Variants in RGSL1 observed in about 807,000 individuals in gnomAD.
The protein encoded by RGSL1 is regulator of G protein signaling like 1, also known as regulator of G protein signaling protein-like.
Under a neutral mutation model 124.7 loss-of-function variants are expected in RGSL1, and 97 were observed. The ratio of observed to expected loss-of-function variants is 0.78; its 90% confidence interval spans 0.66 to 0.92. The LOEUF (loss-of-function observed/expected upper bound fraction) is 0.92, where lower values mean the gene tolerates loss of function less well. Ranked by LOEUF, RGSL1 falls within the 40% of genes least tolerant of loss-of-function variation. The probability of loss-of-function intolerance (pLI) is 0.00; values close to 1 mark genes in which losing one functional copy is unlikely to be tolerated. For synonymous variants in RGSL1, 424 were observed against 438.1 expected (o/e 0.97, Z 0.40); for missense variants, 1,233 against 1,288.4 (o/e 0.96, Z 0.66).
chr1:182,540,595 C>G (rs935340651), intron 15 of RGSL1, among the ~76,000 whole-genome samples, 174 bp downstream of exon 15: 3 of 152,116 alleles, frequency 2.0e-5, no homozygotes, highest in Non-Finnish European at 2.9e-5. Flanking sequence ...TTCCACCTTT[C>G]TTTTCTTTGG....
At chr1:182,532,549 C>A (rs1373258703) in intron 13 of RGSL1, 113 bp from the exon 14 acceptor site, 3 of 937,642 alleles carry the variant, frequency 3.2e-6, no homozygotes, top group South Asian at 1.8e-5. Context: ...TATTCCTTTA[C>A]GGAGGTGTTG....
intron 9 of RGSL1, among the ~76,000 whole-genome samples, chr1:182,504,506 C>A (rs1176726015): frequency 3.0e-5 from 2 of 67,364 alleles, no homozygotes; most frequent in South Asian, 4.3e-4. Context: ...TTTTGCATAC[C>A]TCATAGTTTT....
At chr1:182,556,002 T>C in intron 20 of RGSL1, 22 bp from the exon 21 acceptor site, 1 of 1,546,920 alleles carries the variant, frequency 6.5e-7, no homozygotes. Context: ...TTGTGATAAC[T>C]GGCTGTTTTC....
chr1:182,475,813 T>C (rs755032960), intron 6 of RGSL1, among the ~76,000 whole-genome samples: 6 of 152,164 alleles, frequency 3.9e-5, no homozygotes, highest in Non-Finnish European at 8.8e-5. Flanking sequence ...GAGTAGAAAG[T>C]AGATCTGGAG....
intron 11 of RGSL1, among the ~76,000 whole-genome samples, 194 bp downstream of exon 11, chr1:182,527,966 G>A (rs114808532): frequency 1.3e-5 from 2 of 152,224 alleles, no homozygotes; most frequent in African/African-American, 4.8e-5. Flanking sequence ...GTCTTAATAC[G>A]AGTTGTATTA....
rs1388612034 is a variant in RGSL1 at position 182,473,882 on chromosome 1, A to G, written c.771A>G (p.Gln257=). The change falls in exon 6 of 22, where the codon CAA becomes CAG. Residue 257 remains glutamine, a synonymous_variant. Transcript: ENST00000294854. ...GGAAAGCCAAGAGGAAGATGTGGCA[A>G]TTGGTAGATCCTGACTCTTGGTCTC... ...SSRKAKRKMW[Q]LVDPDSWSLE... The G allele has an allele frequency of 1.9e-6, 3 of 1,551,760 alleles. No individual in the cohort carries two copies. Among genetic ancestry groups the G allele is most frequent in the Admixed American group, 2.0e-5 (1 of 50,980 alleles).
chr1:182,519,687 T>C (rs1658181672), intron 9 of RGSL1, among the ~76,000 whole-genome samples: 1 of 152,140 alleles, frequency 6.6e-6, no homozygotes, highest in South Asian at 2.1e-4. Flanking sequence ...ATTCTGATAA[T>C]TTTATTATAC....
In RGSL1 at chr1:182,474,230, CT is replaced by C. The variant is rs1377558397; in HGVS notation, c.1121del (p.Leu374CysfsTer15). On this transcript the variant is annotated frameshift_variant, in exon 6 of 22. Transcript: ENST00000294854. LOFTEE classifies it high-confidence loss of function. ...SFSLGYIHLA[L>X]CADACAGNPF... ...TCTCCTTAGGATACATCCACTTGGC[CT>C]TGTGTGCTGATGCCTGTGCAGGGAA... 1.9e-6 allele frequency: 3 copies of C among 1,551,816 alleles called. No homozygotes were observed. Among genetic ancestry groups the C allele is most frequent in the East Asian group, 4.9e-5 (2 of 40,940 alleles).
At chr1:182,558,160 G>A (rs1369717621) in intron 21 of RGSL1, among the ~76,000 whole-genome samples, 1 of 152,212 alleles carries the variant, frequency 6.6e-6, no homozygotes, top group East Asian at 1.9e-4. Context: ...GGACAAGACT[G>A]ACCCACAGCC....
At chr1:182,462,269 C>A (rs765619837) in intron 4 of RGSL1, among the ~76,000 whole-genome samples, 1 of 152,042 alleles carries the variant, frequency 6.6e-6, no homozygotes, top group Non-Finnish European at 1.5e-5. Context: ...ACAAAACTGT[C>A]CTTCTAAAGC....
At chr1:182,551,937 T>G (rs1380679885) in intron 18 of RGSL1, among the ~76,000 whole-genome samples, 4 of 152,196 alleles carry the variant, frequency 2.6e-5, no homozygotes, top group Non-Finnish European at 5.9e-5. Context: ...GCATGCTGTA[T>G]AGGTTTGTAG....
chr1:182,488,848 TC>T (rs552627955), intron 7 of RGSL1, 131 bp from the exon 8 acceptor site: 1,144 of 679,944 alleles, frequency 1.7e-3, no homozygotes, highest in Non-Finnish European at 2.3e-3. Flanking sequence ...GAGCAATGGT[TC>T]TTAACAACTG....
Position 182,556,032 on chromosome 1 carries a change from T to C in RGSL1, c.3206T>C (p.Leu1069Ser), listed in dbSNP as rs1660843753. 1.3e-6 allele frequency: 2 copies of C among 1,551,364 alleles called. No individual in the cohort carries two copies. The highest frequency in any genetic ancestry group is 1.4e-5 in the African/African-American group (1 of 73,016). Residue 1069 changes from leucine to serine, a missense_variant, in exon 21 of 22, where the codon TTA becomes TCA. By Grantham distance (145) the Leu-to-Ser change is moderately radical. Transcript: ENST00000294854. ...MQLHPVQGQKLSYIKKEK is the reference protein window; with the variant it reads ...MQLHPVQGQKSSYIKKEK ...GTTTTCTCTCCCTTCAGACAAAAAT[T>C]ATCCTACATCAAAAAAGAGAAGTAA...
intron 21 of RGSL1, among the ~76,000 whole-genome samples, chr1:182,556,934 G>T (rs1484900055): frequency 6.6e-6 from 1 of 152,176 alleles, no homozygotes; most frequent in African/African-American, 2.4e-5. Context: ...GAATAGGAAA[G>T]GACTGGAAAG....
At chr1:182,533,667 T>C (rs375070730) in intron 14 of RGSL1, among the ~76,000 whole-genome samples, 8 of 152,168 alleles carry the variant, frequency 5.3e-5, no homozygotes, top group Admixed American at 6.5e-5. Context: ...TTCTCATCTA[T>C]AGAATGGGAA....
intron 8 of RGSL1, among the ~76,000 whole-genome samples, chr1:182,490,009 T>C (rs554048543): frequency 1.3e-5 from 2 of 152,276 alleles, no homozygotes; most frequent in Admixed American, 1.3e-4. Context: ...ACTTCATAAT[T>C]CCTTAAATAT....
intron 6 of RGSL1, among the ~76,000 whole-genome samples, chr1:182,480,629 C>T (rs1263817346): frequency 6.6e-6 from 1 of 151,898 alleles, no homozygotes; most frequent in Non-Finnish European, 1.5e-5. Flanking sequence ...CTAATTTTTG[C>T]ATTTTTCTTA....
Position 182,488,965 on chromosome 1 carries a change from A to T in RGSL1, c.1495-15A>T. On this transcript the variant is annotated splice_polypyrimidine_tract_variant and intron_variant, in intron 7 of 21. Coordinates refer to ENST00000294854, the MANE Select transcript of RGSL1 (RefSeq NM_001137669.2). ...CTGTAACAAATGCCATCTTCCCCTCACCCTCTTCTCTTAGACACAGAACAG... is the reference window on the plus strand; with the variant it reads ...CTGTAACAAATGCCATCTTCCCCTCTCCCTCTTCTCTTAGACACAGAACAG... 2 of 1,545,706 alleles carry T rather than the reference A, an allele frequency of 1.3e-6. No individual in the cohort carries two copies. Among genetic ancestry groups the T allele is most frequent in the Non-Finnish European group, 1.7e-6 (2 of 1,143,734 alleles).
chr1:182,554,052 A>C (rs1462388465), intron 19 of RGSL1, among the ~76,000 whole-genome samples: 1 of 151,898 alleles, frequency 6.6e-6, no homozygotes, highest in Non-Finnish European at 1.5e-5. Flanking sequence ...TTTCTTCCCC[A>C]TCTTCAGTCT....
Sources: gnomAD v4.1 joint callset for allele counts (sites outside exome capture counted in the v4.1 genomes callset) on GRCh38, gnomAD v4.1.1 for gene constraint, MANE v1.5 for transcripts, NCBI Gene and HGNC (gene_info 2026-07-23, HGNC 2026-07-21) for gene names.